The following BRAF variants were observed in gnomAD, a reference collection of about 807,000 sequenced individuals.
BRAF encodes serine/threonine-protein kinase B-raf.
In BRAF, 16 loss-of-function variants were observed where a neutral mutation model predicts 104.6. That is an observed-to-expected ratio of 0.15 (90% CI 0.10 to 0.23). BRAF has a LOEUF of 0.23. BRAF is among the 10% of genes least tolerant of loss of function. The pLI, the probability that BRAF is intolerant of heterozygous loss-of-function variation, is 1.00. For synonymous variants in BRAF, 310 were observed against 341.6 expected (o/e 0.91, Z 1.02); for missense variants, 541 against 937.3 (o/e 0.58, Z 5.52).
chr7:140,721,732 C>G lies in BRAF; in HGVS notation c.*4762G>C. 6.6e-7 allele frequency: 1 copy of G among 1,514,440 alleles called. No homozygotes were observed. The highest frequency in any genetic ancestry group is 8.8e-7 in the Non-Finnish European group (1 of 1,138,002). The allele number at this position is 1,514,440 out of a possible 1,614,324, so 93.8% of individuals were successfully genotyped here. On this transcript the variant is annotated 3_prime_UTR_variant, in exon 20 of 20. Transcript: ENST00000644969. ...GCTGGAGACAATACATGGACTTTCT[C>G]TTTCAATGGTGAGGAATGAAACAAG...
chr7:140,852,793 C>G (rs1305575828), intron 1 of BRAF, among the ~76,000 whole-genome samples: 2 of 152,168 alleles, frequency 1.3e-5, no homozygotes, highest in Non-Finnish European at 2.9e-5. Context: ...GCATTTCAAA[C>G]TTAACATGTT....
At chr7:140,713,460 A>G in the BRAF span, among the ~76,000 whole-genome samples, 4 of 152,244 alleles carry the variant, frequency 2.6e-5, no homozygotes, top group East Asian at 7.7e-4. Flanking sequence ...TTTCAGCTCC[A>G]TCAGGTCCTT....
At chr7:140,878,877 A>T (rs1812555669) in intron 1 of BRAF, among the ~76,000 whole-genome samples, 1 of 150,452 alleles carries the variant, frequency 6.6e-6, no homozygotes, top group African/African-American at 2.4e-5. Context: ...TTATGTATCC[A>T]TTTTTTTTTC....
chr7:140,825,557 T>G (rs908534537), intron 3 of BRAF, among the ~76,000 whole-genome samples: 7 of 152,196 alleles, frequency 4.6e-5, no homozygotes, highest in Non-Finnish European at 8.8e-5. Context: ...TACTTTTCAT[T>G]CCTTCTGTGT....
chr7:140,776,948 A>G lies in BRAF; in HGVS notation c.1778T>C (p.Leu593Pro). Residue 593 changes from leucine (L) to proline (P), a missense_variant, in exon 14 of 20, where the codon CTT (leucine) becomes CCT (proline). By Grantham distance (98) the Leu-to-Pro change is moderately conservative. Around this residue, in one of 10 missense-constraint regions of BRAF, gnomAD observed 129 missense variants for 285.8 expected, o/e 0.45. Coordinates refer to ENST00000644969, the MANE Select transcript of BRAF (RefSeq NM_001374258.1). ...TGCAGTCTGTCGTGCAATATCTATA[A>G]GTTTGATCATCTCAAATTTGGTCTC... The part of the protein sequence containing the change: ...IIETKFEMIK[L>P]IDIARQTAQG... 6.2e-7 allele frequency: 1 copy of G among 1,613,658 alleles called. No individual in the cohort carries two copies. Among genetic ancestry groups the G allele is most frequent in the Non-Finnish European group, 8.5e-7 (1 of 1,179,888 alleles).
chr7:140,820,746 C>A (rs1805388853), intron 3 of BRAF, among the ~76,000 whole-genome samples: 1 of 152,000 alleles, frequency 6.6e-6, no homozygotes, highest in Non-Finnish European at 1.5e-5. Context: ...TTGAGACCAG[C>A]CTGGGCAACA....
chr7:140,789,653 A>T (rs920520573), intron 8 of BRAF, among the ~76,000 whole-genome samples: 1 of 152,236 alleles, frequency 6.6e-6, no homozygotes, highest in African/African-American at 2.4e-5. Flanking sequence ...AAAATCAAAT[A>T]ATTTAAGAAT....
rs538117889 is a variant in BRAF at position 140,806,210 on chromosome 7, G to T, written c.711+1750C>A. ...TTGATACTTACTTCCTCATCCATCA[G>T]GCCTAAGCTTAGATATTTCTGTCTC... On this transcript the variant is annotated intron_variant, in intron 5 of 19. Coordinates refer to ENST00000644969, the MANE Select transcript of BRAF (RefSeq NM_001374258.1). Among the ~76,000 whole-genome samples, 10 of 152,136 alleles carry T rather than the reference G, an allele frequency of 6.6e-5. No individual in the cohort carries two copies. The East Asian group carries it at 1.9e-3, about 29-fold the overall frequency.
chr7:140,735,786 G>A (rs1796363621), intron 18 of BRAF, among the ~76,000 whole-genome samples: 1 of 151,956 alleles, frequency 6.6e-6, no homozygotes, highest in Admixed American at 6.6e-5. Context: ...TCAAACTCCT[G>A]ACCTCAGGTG....
At position 140,721,640 on chromosome 7, in the gene BRAF, C is replaced by A; in HGVS notation, c.*4854G>T. 6.5e-7 allele frequency: 1 copy of A among 1,535,914 alleles called. No individual in the cohort carries two copies. Among genetic ancestry groups the A allele is most frequent in the Non-Finnish European group, 8.7e-7 (1 of 1,146,718 alleles). On this transcript the variant is annotated 3_prime_UTR_variant, in exon 20 of 20. Transcript: ENST00000644969. ...ATCACCTGAGGCAGAGATGCTACTA[C>A]CCTCTTCTGGGGCTCAACTACCGAT...
At chr7:140,885,653 G>GAT (rs1189675858) in intron 1 of BRAF, among the ~76,000 whole-genome samples, 1 of 152,048 alleles carries the variant, frequency 6.6e-6, no homozygotes, top group Non-Finnish European at 1.5e-5. Flanking sequence ...TTTGTATGTG[G>GAT]ATATATCCAT....
At chr7:140,741,628 C>CAG (rs1796926829) in intron 17 of BRAF, 1 of 152,106 alleles carries the variant, frequency 6.6e-6, no homozygotes, top group African/African-American at 2.4e-5. Flanking sequence ...GGTGCTCAGG[C>CAG]AGAGAGATTG....
intron 17 of BRAF, 179 bp from the exon 17 acceptor site, chr7:140,740,125 G>GC: frequency 1.6e-6 from 1 of 632,604 alleles, no homozygotes. Context: ...ACCCACAAAA[G>GC]GAGTGCAAGC....
At chr7:140,903,979 C>T (rs1815989401) in intron 1 of BRAF, among the ~76,000 whole-genome samples, 2 of 152,192 alleles carry the variant, frequency 1.3e-5, no homozygotes, top group African/African-American at 4.8e-5. Flanking sequence ...AAAGTGGTTT[C>T]TTGACATGAA....
At chr7:140,875,182 T>A (rs969340025) in intron 1 of BRAF, among the ~76,000 whole-genome samples, 4 of 152,162 alleles carry the variant, frequency 2.6e-5, no homozygotes, top group African/African-American at 9.7e-5. Flanking sequence ...AGATCTAACA[T>A]CTGTGTCAGT....
At chr7:140,798,737 C>A (rs936534070) in intron 7 of BRAF, among the ~76,000 whole-genome samples, 1 of 151,764 alleles carries the variant, frequency 6.6e-6, no homozygotes, top group Non-Finnish European at 1.5e-5. Flanking sequence ...GGAAGATCAC[C>A]TGAGGCCAGG....
At chr7:140,715,135 A>T (rs1482703947), downstream of BRAF, among the ~76,000 whole-genome samples, 1 of 152,162 alleles carries the variant, frequency 6.6e-6, no homozygotes, top group African/African-American at 2.4e-5. Context: ...GTATGGTATG[A>T]TAGGCTTTCC....
chr7:140,819,144 C>T (rs1805202273), intron 3 of BRAF, among the ~76,000 whole-genome samples: 1 of 152,108 alleles, frequency 6.6e-6, no homozygotes, highest in South Asian at 2.1e-4. Context: ...ATTATTAGAG[C>T]ATTGTTCAAA....
intron 14 of BRAF, among the ~76,000 whole-genome samples, chr7:140,774,685 T>C (rs967122358): frequency 6.6e-6 from 1 of 152,170 alleles, no homozygotes; most frequent in African/African-American, 2.4e-5. Context: ...CCTTGCTAAA[T>C]TTTTTATTTT....
Sources: gnomAD v4.1 joint callset for allele counts (sites outside exome capture counted in the v4.1 genomes callset) on GRCh38, gnomAD v4.1.1 for gene constraint, gnomAD v4.1.1 regional missense constraint, MANE v1.5 for transcripts, NCBI Gene and HGNC (gene_info 2026-07-23, HGNC 2026-07-21) for gene names.